The following SND1 variants were observed in gnomAD, a reference collection of about 807,000 sequenced individuals.
The protein encoded by SND1 is staphylococcal nuclease domain-containing protein 1.
A neutral mutation model predicts 121.7 loss-of-function variants in SND1; 38 were observed. The ratio of observed to expected loss-of-function variants is 0.31; its 90% CI spans 0.24 to 0.41. The LOEUF (loss-of-function observed/expected upper bound fraction) is 0.41. SND1 is among the 10% of genes least tolerant of loss of function. The pLI, the probability that SND1 is intolerant of heterozygous loss-of-function variation, is 1.00. For missense variants in SND1, 868 were observed against 1,184.6 expected (o/e 0.73, Z 3.92); for synonymous variants, 401 against 447.4 (o/e 0.90, Z 1.31).
At chr7:127,989,252 G>T (rs1481290750) in intron 15 of SND1, among the ~76,000 whole-genome samples, 2 of 152,162 alleles carry the variant, frequency 1.3e-5, no homozygotes, top group Non-Finnish European at 2.9e-5. Context: ...ATCTTTTCAA[G>T]GGTGGCAGAA....
At chr7:128,004,537 A>G (rs563194083) in intron 16 of SND1, among the ~76,000 whole-genome samples, 1 of 152,226 alleles carries the variant, frequency 6.6e-6, no homozygotes, top group Non-Finnish European at 1.5e-5. Context: ...TCTCTATGCC[A>G]TGAAATCTTT....
At chr7:128,045,857 C>T (rs938689605) in intron 16 of SND1, among the ~76,000 whole-genome samples, 2 of 152,204 alleles carry the variant, frequency 1.3e-5, no homozygotes, top group African/African-American at 4.8e-5. Context: ...CATGCTCATA[C>T]ACCAATCGAC....
intron 1 of SND1, among the ~76,000 whole-genome samples, chr7:127,657,749 C>G (rs1387969285): frequency 1.3e-5 from 2 of 152,240 alleles, no homozygotes; most frequent in East Asian, 3.9e-4. Flanking sequence ...CTTCTCCACT[C>G]TGGCCTCCCA....
intron 12 of SND1, among the ~76,000 whole-genome samples, chr7:127,847,614 T>TA (rs1218192023): frequency 6.6e-6 from 1 of 152,246 alleles, no homozygotes; most frequent in Admixed American, 6.5e-5. Flanking sequence ...TAGAACCTTA[T>TA]ATTTTTGTGA....
At chr7:128,082,791 A>G (rs147349805) in intron 18 of SND1, among the ~76,000 whole-genome samples, 3,267 of 152,222 alleles carry the variant, frequency 0.021, 52 homozygotes, top group Non-Finnish European at 0.032. Context: ...AGCCCACCAG[A>G]GAACTTGAGC....
At chr7:128,000,386 GAGAC>G (rs970023893) in intron 16 of SND1, among the ~76,000 whole-genome samples, 7 of 46,844 alleles carry the variant, frequency 1.5e-4, no homozygotes. Flanking sequence ...TTTTTTTTTT[GAGAC>G]AGGGTCTCAC....
At chr7:127,774,786 C>T (rs1797584695) in intron 10 of SND1, among the ~76,000 whole-genome samples, 1 of 152,096 alleles carries the variant, frequency 6.6e-6, no homozygotes, top group African/African-American at 2.4e-5. Flanking sequence ...GCCATGTTGG[C>T]CAGGCTGGTC....
At chr7:128,013,765 G>C (rs555162108) in intron 16 of SND1, among the ~76,000 whole-genome samples, 2 of 152,178 alleles carry the variant, frequency 1.3e-5, no homozygotes, top group African/African-American at 4.8e-5. Context: ...CACATGAGGC[G>C]GAGCCCTGGC....
chr7:128,075,440 C>T (rs1793491444), intron 17 of SND1, among the ~76,000 whole-genome samples: 1 of 152,228 alleles, frequency 6.6e-6, no homozygotes, highest in African/African-American at 2.4e-5. Flanking sequence ...CCCCATGGGG[C>T]AGCCATCTGG....
chr7:127,940,136 C>T (rs1208924397), intron 15 of SND1, among the ~76,000 whole-genome samples: 1 of 152,094 alleles, frequency 6.6e-6, no homozygotes, highest in East Asian at 1.9e-4. Context: ...GTCTGGCTTG[C>T]CTTCCACCTG....
Position 128,086,919 on chromosome 7 carries a change from C to T in SND1, c.2305-19C>T, listed in dbSNP as rs1793696498. 6.3e-6 allele frequency: 10 copies of T among 1,591,918 alleles called. No individual in the cohort carries two copies. Among genetic ancestry groups the T allele is most frequent in the Non-Finnish European group, 8.6e-6 (10 of 1,159,990 alleles). Reference sequence around the variant, plus strand: ...GGGCAGCGAGTATGTGACATGTTGGCCTGCTGCTTCCTCTGCAGAGAGAGG... The same window carrying T: ...GGGCAGCGAGTATGTGACATGTTGGTCTGCTGCTTCCTCTGCAGAGAGAGG... On this transcript the variant is annotated intron_variant, in intron 20 of 23. Transcript: ENST00000354725.
chr7:127,695,953 G>A (rs568099269), intron 3 of SND1, among the ~76,000 whole-genome samples: 3 of 152,302 alleles, frequency 2.0e-5, no homozygotes, highest in South Asian at 4.1e-4. Context: ...GGTAGTAAGA[G>A]AATAAGATTG....
chr7:127,852,709 G>T lies in SND1; in HGVS notation c.1343+8285G>T, dbSNP rs117986343. Among the ~76,000 whole-genome samples the T allele has an allele frequency of 1.2e-3, 184 of 151,888 alleles. 3 individuals carry two copies. The East Asian group carries it at 0.029, about 24-fold the overall frequency. On this transcript the variant is annotated intron_variant, in intron 12 of 23. Coordinates refer to ENST00000354725, the MANE Select transcript of SND1 (RefSeq NM_014390.4). ...GCCTATAGTCCCAGCTGCTCAAGAG[G>T]TTGAGGTGGTATAATCACTCAAACC...
chr7:127,685,184 G>T (rs778337289), intron 1 of SND1, among the ~76,000 whole-genome samples: 1 of 152,134 alleles, frequency 6.6e-6, no homozygotes, highest in Non-Finnish European at 1.5e-5. Context: ...AAATTCATTT[G>T]TGTATTTATA....
At chr7:127,683,631 C>G (rs1449782822) in intron 1 of SND1, among the ~76,000 whole-genome samples, 1 of 152,154 alleles carries the variant, frequency 6.6e-6, no homozygotes, top group Non-Finnish European at 1.5e-5. Flanking sequence ...TCTTTTCTTA[C>G]CTTTCCACCA....
At chr7:127,816,991 T>C (rs1441949022) in intron 11 of SND1, among the ~76,000 whole-genome samples, 1 of 152,174 alleles carries the variant, frequency 6.6e-6, no homozygotes, top group Non-Finnish European at 1.5e-5. Context: ...TCAGCAGATA[T>C]TTTTTGGACA....
chr7:127,781,775 A>G (rs966460724), intron 10 of SND1, among the ~76,000 whole-genome samples: 1 of 152,240 alleles, frequency 6.6e-6, no homozygotes, highest in African/African-American at 2.4e-5. Context: ...ATCATAATGA[A>G]ATGTCAATTC....
intron 1 of SND1, among the ~76,000 whole-genome samples, chr7:127,681,088 C>A (rs940666612): frequency 1.3e-5 from 2 of 152,128 alleles, no homozygotes; most frequent in African/African-American, 4.8e-5. Flanking sequence ...AACCTCCAGA[C>A]TCTTTTCCAA....
intron 10 of SND1, among the ~76,000 whole-genome samples, chr7:127,741,208 G>A (rs935377104): frequency 1.3e-5 from 2 of 152,112 alleles, no homozygotes; most frequent in African/African-American, 4.8e-5. Context: ...TTATTCTCCC[G>A]TAAGAATACC....
Sources: gnomAD v4.1 joint callset for allele counts (sites outside exome capture counted in the v4.1 genomes callset) on GRCh38, gnomAD v4.1.1 for gene constraint, MANE v1.5 for transcripts, NCBI Gene and HGNC (gene_info 2026-07-23, HGNC 2026-07-21) for gene names.